SCN9A: variants seen among roughly 807,000 people sequenced by gnomAD.
SCN9A encodes the protein sodium voltage-gated channel alpha subunit 9.
SCN9A carries 131 observed loss-of-function variants against 187.0 expected under a neutral mutation model. The observed-to-expected ratio is 0.70, with a 90% CI of 0.61 to 0.81. The LOEUF (loss-of-function observed/expected upper bound fraction) is 0.81, where lower values mean the gene tolerates loss of function less well. SCN9A is among the 30% of genes least tolerant of loss of function. The pLI, the probability that SCN9A is intolerant of heterozygous loss-of-function variation, is 0.00. For missense variants in SCN9A, 2,252 were observed against 2,396.6 expected (o/e 0.94, Z 1.26); for synonymous variants, 809 against 808.6 (o/e 1.00, Z -0.01).
intron 7 of SCN9A, among the ~76,000 whole-genome samples, chr2:166,295,512 CT>C (rs1324579892): frequency 1.3e-5 from 2 of 152,028 alleles, no homozygotes; most frequent in Non-Finnish European, 2.9e-5. Flanking sequence ...GGCTACTGTA[CT>C]CAATATTGTA....
intron 1 of SCN9A, among the ~76,000 whole-genome samples, chr2:166,368,373 C>G (rs183064984): frequency 4.0e-4 from 61 of 152,302 alleles, no homozygotes; most frequent in Admixed American, 1.2e-3. Context: ...GTGGCTTACA[C>G]CTGTAATCCC....
intron 1 of SCN9A, among the ~76,000 whole-genome samples, chr2:166,358,386 T>G (rs1488947291): frequency 6.6e-6 from 1 of 152,048 alleles, no homozygotes; most frequent in Non-Finnish European, 1.5e-5. Context: ...TTCTTAATTC[T>G]TATCATTTTA....
intron 1 of SCN9A, among the ~76,000 whole-genome samples, chr2:166,349,165 T>A (rs993962963): frequency 2.0e-5 from 3 of 151,672 alleles, no homozygotes; most frequent in African/African-American, 7.3e-5. Context: ...AAAAAACTCC[T>A]CTCATCATGA....
chr2:166,214,995 A>G (rs1694269718), intron 24 of SCN9A, among the ~76,000 whole-genome samples: 1 of 152,208 alleles, frequency 6.6e-6, no homozygotes, highest in Non-Finnish European at 1.5e-5. Context: ...GCAACAAAAT[A>G]CATATTCTTC....
At chr2:166,226,768 G>T in intron 23 of SCN9A, 64 bp from the exon 24 acceptor site, 1 of 1,253,112 alleles carries the variant, frequency 8.0e-7, no homozygotes, top group South Asian at 1.6e-5. Context: ...TTTTTCACAT[G>T]GTTTGACCAG....
At chr2:166,280,622 A>ACTCCAT in intron 13 of SCN9A, 27 bp from the exon 14 acceptor site, 1 of 1,346,142 alleles carries the variant, frequency 7.4e-7, no homozygotes, top group Non-Finnish European at 1.0e-6. Context: ...GAGAACATGG[A>ACTCCAT]GTCAGCCATT....
At chr2:166,307,612 AT>A (rs1489573150) in intron 2 of SCN9A, among the ~76,000 whole-genome samples, 5 of 152,216 alleles carry the variant, frequency 3.3e-5, no homozygotes, top group Admixed American at 6.5e-5. Flanking sequence ...ACTGAGTTCA[AT>A]TTCTTTATTT....
chr2:166,308,382 C>T (rs1320213304), intron 2 of SCN9A, among the ~76,000 whole-genome samples: 2 of 151,978 alleles, frequency 1.3e-5, no homozygotes, highest in Non-Finnish European at 2.9e-5. Flanking sequence ...AGCGGTTTCC[C>T]CAGTGCTGTT....
At chr2:166,242,791 A>T in intron 18 of SCN9A, 135 bp from the exon 19 acceptor site, 1 of 589,512 alleles carries the variant, frequency 1.7e-6, no homozygotes, top group Non-Finnish European at 2.9e-6. Flanking sequence ...GCAATTTCAG[A>T]TAGATTTAAT....
At chr2:166,231,361 ACC>A in intron 21 of SCN9A, among the ~76,000 whole-genome samples, 1 of 152,154 alleles carries the variant, frequency 6.6e-6, no homozygotes, top group Non-Finnish European at 1.5e-5. Flanking sequence ...ATACTTGGAA[ACC>A]GTTATACACT....
chr2:166,225,467 TACTACTG>T (rs1694806785), intron 24 of SCN9A, among the ~76,000 whole-genome samples: 1 of 152,146 alleles, frequency 6.6e-6, no homozygotes, highest in South Asian at 2.1e-4. Flanking sequence ...ACATCGAATT[TACTACTG>T]ACTCTATCTA....
intron 24 of SCN9A, among the ~76,000 whole-genome samples, chr2:166,223,599 C>T (rs1321474617): frequency 6.6e-6 from 1 of 152,172 alleles, no homozygotes; most frequent in Non-Finnish European, 1.5e-5. Context: ...AATTGCTATT[C>T]AATGGGAATA....
intron 17 of SCN9A, among the ~76,000 whole-genome samples, chr2:166,263,640 C>A (rs1018549622): frequency 2.0e-5 from 3 of 151,926 alleles, no homozygotes; most frequent in African/African-American, 7.2e-5. Context: ...TTGTAATCCT[C>A]CAAAAGTTAT....
chr2:166,312,719 C>T (rs1302440746), intron 1 of SCN9A, among the ~76,000 whole-genome samples: 1 of 152,054 alleles, frequency 6.6e-6, no homozygotes, highest in Non-Finnish European at 1.5e-5. Flanking sequence ...ATAGCGTTAG[C>T]AGGCATGAAA....
intron 22 of SCN9A, 85 bp from the exon 23 acceptor site, chr2:166,227,808 C>T (rs941534817): frequency 2.7e-6 from 2 of 732,542 alleles, no homozygotes; most frequent in Non-Finnish European, 4.9e-6. Flanking sequence ...TTTAATGTTA[C>T]CACAATTATT....
At chr2:166,316,485 G>A (rs1208318324) in intron 1 of SCN9A, among the ~76,000 whole-genome samples, 2 of 152,180 alleles carry the variant, frequency 1.3e-5, no homozygotes, top group African/African-American at 2.4e-5. Context: ...ATGAGGTCAG[G>A]AGATCGAGAC....
intron 17 of SCN9A, among the ~76,000 whole-genome samples, chr2:166,261,602 A>T (rs991082109): frequency 1.3e-5 from 2 of 151,952 alleles, no homozygotes; most frequent in Admixed American, 6.6e-5. Context: ...TGGATGTTTT[A>T]AAATATGAAA....
chr2:166,239,871 A>G (rs369765834), intron 19 of SCN9A, among the ~76,000 whole-genome samples: 1 of 152,200 alleles, frequency 6.6e-6, no homozygotes, highest in African/African-American at 2.4e-5. Context: ...TTCAGCCCAC[A>G]GGGGTTCTAG....
intron 20 of SCN9A, among the ~76,000 whole-genome samples, chr2:166,237,286 CGACT>C (rs1244550967): frequency 1.3e-5 from 2 of 151,388 alleles, no homozygotes; most frequent in African/African-American, 2.4e-5. Flanking sequence ...TTGATCTCAC[CGACT>C]ATTTTAAGAT....
Sources: gnomAD v4.1 joint callset for allele counts (sites outside exome capture counted in the v4.1 genomes callset) on GRCh38, gnomAD v4.1.1 for gene constraint, MANE v1.5 for transcripts, NCBI Gene and HGNC (gene_info 2026-07-23, HGNC 2026-07-21) for gene names.